Variants in TBC1D16 observed in about 807,000 individuals in gnomAD.
TBC1D16 encodes TBC1 domain family member 16.
In TBC1D16, 58 loss-of-function variants were observed where a neutral mutation model predicts 74.7. The ratio of observed to expected loss-of-function variants is 0.78; its 90% CI spans 0.63 to 0.97. The LOEUF (loss-of-function observed/expected upper bound fraction) is 0.97. Ranked by LOEUF, TBC1D16 falls within the 50% of genes least tolerant of loss-of-function variation. TBC1D16 has a pLI of 0.00. For missense variants in TBC1D16, 1,014 were observed against 1,079.5 expected, an observed-to-expected ratio of 0.94 and a Z score of 0.85; for synonymous variants, 493 against 474.7, an observed-to-expected ratio of 1.04 and a Z score of -0.50.
chr17:79,950,906 A>G lies in TBC1D16; in HGVS notation c.1090-328T>C. ...CTGCCGGGAGGGCCTGCAATGAATT[A>G]CATGTGATTGGCCACATACAAAGGG... On this transcript the variant is annotated intron_variant, in intron 5 of 11. Transcript: ENST00000310924. The surrounding 1 kb of genome is among the most constrained non-coding windows in gnomAD (Gnocchi z 4.6). 7.0e-7 allele frequency: 1 copy of G among 1,428,376 alleles called. No individual in the cohort carries two copies. 88.5% of individuals were successfully genotyped at this position (1,428,376 alleles called of 1,614,324 possible).
At chr17:80,006,191 T>G (rs2035670549) in intron 3 of TBC1D16, among the ~76,000 whole-genome samples, 1 of 151,754 alleles carries the variant, frequency 6.6e-6, no homozygotes, top group African/African-American at 2.4e-5. Flanking sequence ...GCGCTCTCGC[T>G]CTCTCTCGCT....
In TBC1D16 at chr17:79,984,684, A is replaced by G. The variant is rs74705083; in HGVS notation, c.779+25476T>C. On this transcript the variant is annotated intron_variant, in intron 3 of 11. Coordinates refer to ENST00000310924, the MANE Select transcript of TBC1D16 (RefSeq NM_019020.4). ...AAGGAGACAAACAAAAGCCCTCCAA[A>G]ACATGGAAAACAGTAAAGGCAAAAA... is the stretch of plus-strand genomic sequence containing the variant. 4.2e-4 allele frequency among the ~76,000 whole-genome samples: 63 copies of G among 149,534 alleles called. 1 individual carries two copies. The East Asian group carries it at 0.012, about 29-fold the overall frequency.
At chr17:79,945,506 A>T (rs916793782) in intron 9 of TBC1D16, among the ~76,000 whole-genome samples, 3 of 152,030 alleles carry the variant, frequency 2.0e-5, no homozygotes, top group African/African-American at 7.2e-5. Context: ...GCTCACCCAG[A>T]TCTATCATCT....
At chr17:79,942,723 A>G (rs2032134781) in intron 10 of TBC1D16, among the ~76,000 whole-genome samples, 1 of 152,164 alleles carries the variant, frequency 6.6e-6, no homozygotes, top group Admixed American at 6.5e-5. Context: ...ACACCCCCCA[A>G]TCATGCCCCA....
Position 80,010,302 on chromosome 17 carries a change from AAG to A in TBC1D16, c.635_636del (p.Ser212PhefsTer15), listed in dbSNP as rs1196267098. 2 of 1,612,496 alleles carry A rather than the reference AAG, an allele frequency of 1.2e-6. No homozygotes were observed. The highest frequency in any genetic ancestry group is 3.3e-5 in the Admixed American group (2 of 59,868). The stretch of plus-strand genomic sequence containing the variant: ...CTCACGCCCTCGGCTGACAGTTCCA[AAG>A]AGCCATCCTCCTCCCCGGCCTCGGG... ...PRPEAGEEDG[S>X]LELSAEGVSR... On this transcript the variant is annotated frameshift_variant, in exon 3 of 12. Coordinates refer to ENST00000310924, the MANE Select transcript of TBC1D16 (RefSeq NM_019020.4). LOFTEE classifies it high-confidence loss of function. The surrounding 1 kb of genome is among the most constrained non-coding windows in gnomAD (Gnocchi z 8.8).
At chr17:80,022,541 G>A (rs1373034208) in intron 1 of TBC1D16, among the ~76,000 whole-genome samples, 2 of 149,432 alleles carry the variant, frequency 1.3e-5, no homozygotes, top group African/African-American at 2.6e-5. Context: ...AGTTCACCAC[G>A]TTGGCCAGGC....
At chr17:79,982,231 C>T (rs1375188200) in intron 3 of TBC1D16, among the ~76,000 whole-genome samples, 1 of 151,134 alleles carries the variant, frequency 6.6e-6, no homozygotes, top group Non-Finnish European at 1.5e-5. Context: ...ACCACAACCT[C>T]TGCCTCCCAG....
In TBC1D16 at chr17:79,944,122, A is replaced by C; in HGVS notation, c.1908+786T>G. 6.5e-7 allele frequency: 1 copy of C among 1,536,042 alleles called. No individual in the cohort carries two copies. On this transcript the variant is annotated intron_variant, in intron 10 of 11. Coordinates refer to ENST00000310924, the MANE Select transcript of TBC1D16 (RefSeq NM_019020.4). The surrounding 1 kb of genome is among the most constrained non-coding windows in gnomAD (Gnocchi z 7.7). ...ACATCAGCCCCCTGCGGTGTGAGTGAGGACAGGAGACGCTGACGCAAATGT... is the reference window on the plus strand; with the variant it reads ...ACATCAGCCCCCTGCGGTGTGAGTGCGGACAGGAGACGCTGACGCAAATGT...
intron 1 of TBC1D16, among the ~76,000 whole-genome samples, chr17:80,034,291 C>A (rs911442104): frequency 3.3e-5 from 5 of 151,314 alleles, no homozygotes; most frequent in African/African-American, 1.2e-4. Context: ...ACCTTCGCCT[C>A]CCGAGCTCAA....
In TBC1D16 at chr17:80,023,666, C is replaced by CTT. The variant is rs765410417; in HGVS notation, c.-62-10058_-62-10057insAA. ...CGAGAACTGCTGCCGGGCCCCCCCC[C>CTT]ACCGGCTCAGGGCGTGGCTGGGGTG... On this transcript the variant is annotated intron_variant, in intron 1 of 11. Coordinates refer to ENST00000310924, the MANE Select transcript of TBC1D16 (RefSeq NM_019020.4). Among the ~76,000 whole-genome samples, 3 of 144,472 alleles carry CTT rather than the reference C, an allele frequency of 2.1e-5. 1 individual carries two copies. Among genetic ancestry groups the CTT allele is most frequent in the African/African-American group, 8.0e-5 (3 of 37,400 alleles). 94.8% of individuals were successfully genotyped at this position (144,472 alleles called of 152,430 possible). A position where few individuals can be genotyped will look rare whatever the true frequency, so the allele number is the denominator to read the frequency against.
chr17:79,957,719 C>T (rs75232266), intron 3 of TBC1D16, among the ~76,000 whole-genome samples: 2,637 of 151,352 alleles, frequency 0.017, 79 homozygotes, highest in African/African-American at 0.06. Flanking sequence ...GACGTGTGGG[C>T]TCATGAGTCG....
intron 3 of TBC1D16, among the ~76,000 whole-genome samples, chr17:79,967,497 C>T (rs1216241349): frequency 6.6e-6 from 1 of 152,088 alleles, no homozygotes; most frequent in African/African-American, 2.4e-5. Flanking sequence ...CAATGAACGA[C>T]ACAAAAATAA....
At chr17:80,025,143 C>CTCAATG (rs2036527460) in intron 1 of TBC1D16, among the ~76,000 whole-genome samples, 1 of 109,022 alleles carries the variant, frequency 9.2e-6, no homozygotes, top group Non-Finnish European at 1.9e-5. Flanking sequence ...CATAGGCACA[C>CTCAATG]ACAAACACAC....
rs558149162 is a variant in TBC1D16 at position 80,009,638 on chromosome 17, T to A, written c.779+522A>T. Among the ~76,000 whole-genome samples, 2 of 152,320 alleles carry A rather than the reference T, an allele frequency of 1.3e-5. No homozygotes were observed. The highest frequency in any genetic ancestry group is 2.1e-4 in the South Asian group (1 of 4,820). On this transcript the variant is annotated intron_variant, in intron 3 of 11. Transcript: ENST00000310924. The surrounding 1 kb of genome is among the most constrained non-coding windows in gnomAD (Gnocchi z 5.4). ...CCACAGCTATGAGAAAGAGGGAGGCTGAAGCCTCCGGGGACCACAGGGGGC... is the reference window on the plus strand; with the variant it reads ...CCACAGCTATGAGAAAGAGGGAGGCAGAAGCCTCCGGGGACCACAGGGGGC...
chr17:80,002,005 C>G (rs747552207), intron 3 of TBC1D16, among the ~76,000 whole-genome samples: 1 of 152,188 alleles, frequency 6.6e-6, no homozygotes, highest in Non-Finnish European at 1.5e-5. Context: ...CGCCCACCTC[C>G]AGGAGTTTCT....
rs190520156 is a variant in TBC1D16, at chr17:79,981,775, C to T, written c.779+28385G>A. ...GCAAGAACGTGCTCACTGCACATAA[C>T]GCTGAACCTGCCACGGGCACGAAGC... On this transcript the variant is annotated intron_variant, in intron 3 of 11. Coordinates refer to ENST00000310924, the MANE Select transcript of TBC1D16 (RefSeq NM_019020.4). The surrounding 1 kb of genome is among the most constrained non-coding windows in gnomAD (Gnocchi z 6.9). Among the ~76,000 whole-genome samples, 4 of 152,362 alleles carry T rather than the reference C, an allele frequency of 2.6e-5. No homozygotes were observed. Among genetic ancestry groups the T allele is most frequent in the Non-Finnish European group, 5.9e-5 (4 of 68,026 alleles).
intron 2 of TBC1D16, 94 bp downstream of exon 2, chr17:80,013,273 C>T (rs2035957970): frequency 1.7e-6 from 2 of 1,199,324 alleles, no homozygotes; most frequent in East Asian, 5.5e-5. Flanking sequence ...GAACCAAATG[C>T]ACTCTCACGT....
In TBC1D16 at chr17:79,950,482, G is replaced by A; in HGVS notation, c.1186C>T (p.Leu396Phe). 3.1e-6 allele frequency: 5 copies of A among 1,613,198 alleles called. No homozygotes were observed. The highest frequency in any genetic ancestry group is 4.2e-6 in the Non-Finnish European group (5 of 1,179,890). Residue 396 changes from leucine (L) to phenylalanine (F), a missense_variant, in exon 6 of 12, where the codon CTC becomes TTC. Coordinates refer to ENST00000310924, the MANE Select transcript of TBC1D16 (RefSeq NM_019020.4). The surrounding 1 kb of genome is among the most constrained non-coding windows in gnomAD (Gnocchi z 4.6). ...THPEESMYKR[L>F]GVSAWLNHLN... is the part of the protein sequence containing the mutation. ...TGGTTGAGCCAGGCGGAGACGCCGA[G>A]CCTCTTGTACATGCTCTCCTCGGGG...
chr17:79,979,205 G>A lies in TBC1D16; in HGVS notation c.780-26387C>T, dbSNP rs1278298061. Among the ~76,000 whole-genome samples, 1 of 152,114 alleles carries A rather than the reference G, an allele frequency of 6.6e-6. No individual in the cohort carries two copies. The highest frequency in any genetic ancestry group is 1.5e-5 in the Non-Finnish European group (1 of 68,020). ...TAGGAGCTGGGCAGGGAAGGCCAGAGCACACACGCTCCGGGGACGCACACC... is the reference window on the plus strand; with the variant it reads ...TAGGAGCTGGGCAGGGAAGGCCAGAACACACACGCTCCGGGGACGCACACC... On this transcript the variant is annotated intron_variant, in intron 3 of 11. Coordinates refer to ENST00000310924, the MANE Select transcript of TBC1D16 (RefSeq NM_019020.4). The surrounding 1 kb of genome is among the most constrained non-coding windows in gnomAD (Gnocchi z 4.8).
Sources: gnomAD v4.1 joint callset for allele counts (sites outside exome capture counted in the v4.1 genomes callset) on GRCh38, gnomAD v4.1.1 for gene constraint, Gnocchi (gnomAD v3.1) non-coding constraint, MANE v1.5 for transcripts, NCBI Gene and HGNC (gene_info 2026-07-23, HGNC 2026-07-21) for gene names.